Variants in PLEKHB2 observed in about 807,000 individuals in gnomAD.
PLEKHB2 encodes pleckstrin homology domain-containing family B member 2.
PLEKHB2 carries 31 observed loss-of-function variants against 36.5 expected under a neutral mutation model. The observed-to-expected ratio is 0.85, with a 90% CI of 0.64 to 1.15. The LOEUF is 1.15. Among genes scored for constraint, PLEKHB2 ranks in the 50% most tolerant of loss-of-function variants. The pLI is 0.00. For missense variants in PLEKHB2, 262 were observed against 295.3 expected (o/e 0.89, Z 0.83); for synonymous variants, 119 against 112.0 (o/e 1.06, Z -0.39).
At chr2:131,143,958 T>C (rs1699038218) in intron 7 of PLEKHB2, among the ~76,000 whole-genome samples, 1 of 152,190 alleles carries the variant, frequency 6.6e-6, no homozygotes, top group Non-Finnish European at 1.5e-5. Context: ...CAGGCAGTAC[T>C]CGGAATGCTT....
At chr2:131,135,810 A>G (rs1374112335) in intron 6 of PLEKHB2, among the ~76,000 whole-genome samples, 2 of 151,514 alleles carry the variant, frequency 1.3e-5, no homozygotes, top group Non-Finnish European at 2.9e-5. Flanking sequence ...GGGTTTCACC[A>G]TGTTAGCCAG....
intron 5 of PLEKHB2, 43 bp downstream of exon 5, chr2:131,130,803 G>A: frequency 1.7e-6 from 2 of 1,164,436 alleles, no homozygotes; most frequent in Non-Finnish European, 2.5e-6. Context: ...TTTTTTTTTT[G>A]ACAAGGTGTC....
At chr2:131,125,714 T>TAAA (rs368939952) in intron 2 of PLEKHB2, 39 bp from the exon 3 acceptor site, 224 of 1,336,686 alleles carry the variant, frequency 1.7e-4, no homozygotes, top group African/African-American at 2.2e-4. Context: ...AGACTGTCTC[T>TAAA]AAAAAAAAAA....
intron 7 of PLEKHB2, among the ~76,000 whole-genome samples, chr2:131,141,198 G>C (rs1698745137): frequency 6.6e-6 from 1 of 152,154 alleles, no homozygotes; most frequent in Non-Finnish European, 1.5e-5. Context: ...GATGCATTTA[G>C]CACTTAAAAT....
Position 131,147,932 on chromosome 2 carries a change from T to G in PLEKHB2, c.*1159T>G, listed in dbSNP as rs140276339. On this transcript the variant is annotated 3_prime_UTR_variant, in exon 8 of 8. Coordinates refer to ENST00000693505, the MANE Select transcript of PLEKHB2 (RefSeq NM_001100623.2). ...CCTTATAGCCTATTTTTCTACTTGC[T>G]GAGAGAGTAATATTAAAGGAACAGT... The G allele has an allele frequency of 2.6e-4, 39 of 152,432 alleles. No homozygotes were observed. The highest frequency in any genetic ancestry group is 4.7e-4 in the Non-Finnish European group (32 of 68,142). The allele number at this position is 152,432 out of a possible 1,614,324, so 9.4% of individuals were successfully genotyped here.
chr2:131,138,349 G>A (rs1037556759), intron 6 of PLEKHB2, among the ~76,000 whole-genome samples: 3 of 151,934 alleles, frequency 2.0e-5, no homozygotes, highest in African/African-American at 7.3e-5. Context: ...TTTTATGATA[G>A]CTGCTTTAAA....
At position 131,148,949 on chromosome 2, in the gene PLEKHB2, A is replaced by C. The variant is rs972585435; in HGVS notation, c.*2176A>C. ...CTTGGAATTACTGGGTGGGAATTCC[A>C]GGAACCACAGAGTATTGATTTTTGC... On this transcript the variant is annotated 3_prime_UTR_variant, in exon 8 of 8. Transcript: ENST00000693505. 4 of 152,218 alleles carry C rather than the reference A, an allele frequency of 2.6e-5. No individual in the cohort carries two copies. The highest frequency in any genetic ancestry group is 9.7e-5 in the African/African-American group (4 of 41,448). 9.4% of individuals were successfully genotyped at this position (152,218 alleles called of 1,614,324 possible).
At chr2:131,127,011 T>C (rs552709445) in intron 4 of PLEKHB2, 27 of 481,300 alleles carry the variant, frequency 5.6e-5, no homozygotes, top group African/African-American at 4.9e-4. Context: ...CAGAAAGGAA[T>C]AGCAGTCTCA....
chr2:131,114,825 T>A (rs180800106), intron 1 of PLEKHB2, among the ~76,000 whole-genome samples: 19 of 152,326 alleles, frequency 1.2e-4, no homozygotes, highest in African/African-American at 4.3e-4. Flanking sequence ...TCAGCAAGTC[T>A]CTAGGAAGTT....
At chr2:131,123,769 C>T (rs1159057775) in intron 2 of PLEKHB2, among the ~76,000 whole-genome samples, 1 of 33,610 alleles carries the variant, frequency 3.0e-5, no homozygotes, top group Non-Finnish European at 6.1e-5. Flanking sequence ...CTGGTCCACC[C>T]CCCCCACCCC....
chr2:131,126,981 T>A (rs531009095), intron 4 of PLEKHB2, 195 bp downstream of exon 4: 6 of 534,082 alleles, frequency 1.1e-5, no homozygotes, highest in Non-Finnish European at 1.7e-5. Context: ...CCTAGGCCGA[T>A]CCCATTGTGG....
chr2:131,145,631 GGCCA>G (rs1378269977), intron 7 of PLEKHB2, among the ~76,000 whole-genome samples: 1 of 152,126 alleles, frequency 6.6e-6, no homozygotes, highest in Non-Finnish European at 1.5e-5. Context: ...CATCAAGCCT[GGCCA>G]GCCAGCCTTT....
intron 6 of PLEKHB2, among the ~76,000 whole-genome samples, chr2:131,135,176 A>G (rs1325411338): frequency 3.3e-5 from 5 of 151,902 alleles, no homozygotes; most frequent in Non-Finnish European, 7.4e-5. Flanking sequence ...GGTTCAAGCG[A>G]TTCTCCTGCC....
At chr2:131,127,059 C>A in intron 4 of PLEKHB2, 1 of 319,594 alleles carries the variant, frequency 3.1e-6, no homozygotes, top group African/African-American at 2.2e-5. Context: ...CAGTGGGTAA[C>A]GGGCATAGTT....
chr2:131,129,942 T>C (rs991339786), intron 4 of PLEKHB2, among the ~76,000 whole-genome samples: 1 of 152,242 alleles, frequency 6.6e-6, no homozygotes, highest in Non-Finnish European at 1.5e-5. Flanking sequence ...AAATAAATTA[T>C]GTTTTTATCC....
In PLEKHB2 at chr2:131,147,122, T is replaced by A; in HGVS notation, c.*349T>A. The A allele has an allele frequency of 6.0e-6, 1 of 166,926 alleles. No homozygotes were observed. The highest frequency in any genetic ancestry group is 1.3e-5 in the Non-Finnish European group (1 of 77,958). 10.3% of individuals were successfully genotyped at this position (166,926 alleles called of 1,614,324 possible). On this transcript the variant is annotated 3_prime_UTR_variant, in exon 8 of 8. Coordinates refer to ENST00000693505, the MANE Select transcript of PLEKHB2 (RefSeq NM_001100623.2). ...TTATTTTCATGTTATGCCAGTAATATAGTGTTGTATGCCTATTGAGTGATT... is the reference window on the plus strand; with the variant it reads ...TTATTTTCATGTTATGCCAGTAATAAAGTGTTGTATGCCTATTGAGTGATT...
intron 2 of PLEKHB2, among the ~76,000 whole-genome samples, chr2:131,124,654 A>C (rs1225328367): frequency 6.6e-6 from 1 of 152,190 alleles, no homozygotes; most frequent in Admixed American, 6.5e-5. Context: ...GGCCTGGTCT[A>C]TATCCTGCTG....
intron 6 of PLEKHB2, among the ~76,000 whole-genome samples, chr2:131,136,226 C>G (rs1698244146): frequency 1.4e-5 from 2 of 140,916 alleles, no homozygotes; most frequent in South Asian, 2.4e-4. Flanking sequence ...CTCCTCTCCT[C>G]TCTCCCCTGA....
chr2:131,142,576 CT>C (rs1041202610), intron 7 of PLEKHB2, among the ~76,000 whole-genome samples: 3,346 of 129,912 alleles, frequency 0.026, 119 homozygotes, highest in African/African-American at 0.086. Context: ...CTTTTTTTTT[CT>C]TTTTTTTTTT....
Sources: allele counts gnomAD v4.1 joint callset (sites outside exome capture counted in the v4.1 genomes callset), GRCh38; gene constraint gnomAD v4.1.1; transcripts MANE v1.5; gene names NCBI Gene and HGNC (gene_info 2026-07-23, HGNC 2026-07-21).